IGSF21: variants seen among roughly 807,000 people sequenced by gnomAD.
The protein encoded by IGSF21 is immunoglobulin superfamily member 21.
Under a neutral mutation model 46.8 loss-of-function variants are expected in IGSF21, and 28 were observed. The ratio of observed to expected loss-of-function variants is 0.60; its 90% CI spans 0.44 to 0.82. The LOEUF (loss-of-function observed/expected upper bound fraction) is 0.82, where lower values mean the gene tolerates loss of function less well. Among genes scored for constraint, IGSF21 ranks in the 40% least tolerant of loss-of-function variants. The pLI, the probability that IGSF21 is intolerant of heterozygous loss-of-function variation, is 0.00. For synonymous variants in IGSF21, 284 were observed against 273.6 expected (o/e 1.04, Z -0.38); for missense variants, 624 against 665.5 (o/e 0.94, Z 0.69).
chr1:18,213,472 C>T (rs2084412441), intron 1 of IGSF21, among the ~76,000 whole-genome samples: 1 of 152,136 alleles, frequency 6.6e-6, no homozygotes, highest in Non-Finnish European at 1.5e-5. Flanking sequence ...TCCTCAGAGC[C>T]CTCCCCACCC....
chr1:18,368,246 C>T (rs1185048767), intron 6 of IGSF21, among the ~76,000 whole-genome samples: 1 of 151,910 alleles, frequency 6.6e-6, no homozygotes, highest in Non-Finnish European at 1.5e-5. Flanking sequence ...TGTCTCACGC[C>T]TGTAATCCTA....
intron 1 of IGSF21, among the ~76,000 whole-genome samples, chr1:18,162,970 G>A (rs564176773): frequency 5.3e-4 from 80 of 152,302 alleles, no homozygotes; most frequent in African/African-American, 1.5e-3. Flanking sequence ...CAGTGATGGT[G>A]TCACATTGGG....
intron 1 of IGSF21, among the ~76,000 whole-genome samples, chr1:18,172,006 C>T: frequency 6.6e-6 from 1 of 152,164 alleles, no homozygotes; most frequent in Admixed American, 6.5e-5. Context: ...TTTCTTGTCC[C>T]CTGGACAGGA....
chr1:18,282,749 CACA>C (rs1009022858), intron 2 of IGSF21, among the ~76,000 whole-genome samples: 2 of 152,076 alleles, frequency 1.3e-5, no homozygotes, highest in African/African-American at 4.8e-5. Flanking sequence ...ATTGTGCATG[CACA>C]ACACCGTAAG....
intron 1 of IGSF21, chr1:18,110,698 C>T (rs570528286): frequency 6.6e-6 from 1 of 152,280 alleles, no homozygotes; most frequent in African/African-American, 2.4e-5. Context: ...AGAATCAGAC[C>T]CTCCAAAGGA....
At chr1:18,324,330 T>G (rs753248333) in intron 3 of IGSF21, among the ~76,000 whole-genome samples, 1 of 152,208 alleles carries the variant, frequency 6.6e-6, no homozygotes, top group Non-Finnish European at 1.5e-5. Flanking sequence ...CATTAAGACT[T>G]CTGGCTCACA....
intron 1 of IGSF21, among the ~76,000 whole-genome samples, chr1:18,181,427 C>T (rs985657126): frequency 3.9e-5 from 6 of 152,134 alleles, no homozygotes; most frequent in Admixed American, 1.3e-4. Flanking sequence ...GCAGCCCAAA[C>T]GCTGTGTGTG....
intron 2 of IGSF21, among the ~76,000 whole-genome samples, chr1:18,239,693 C>T (rs2084706625): frequency 6.6e-6 from 1 of 152,168 alleles, no homozygotes; most frequent in African/African-American, 2.4e-5. Flanking sequence ...GCGTGCAATG[C>T]CCTTCTCCCC....
rs773530605 is a variant in IGSF21, at chr1:18,372,071, A to G, written c.1016-4239A>G. Among the ~76,000 whole-genome samples, 108 of 152,302 alleles carry G rather than the reference A, an allele frequency of 7.1e-4. 1 individual carries two copies. Among genetic ancestry groups the G allele is most frequent in the Middle Eastern group, 3.4e-3 (1 of 294 alleles). On this transcript the variant is annotated intron_variant, in intron 6 of 9. Coordinates refer to ENST00000251296, the MANE Select transcript of IGSF21 (RefSeq NM_032880.5). ...GAATGCTGGTGTAACCACCACCTCA[A>G]CCAAACTCTGCGCATTCCCATCACC... is the stretch of plus-strand genomic sequence containing the variant.
At chr1:18,317,986 C>T (rs1371524703) in intron 3 of IGSF21, among the ~76,000 whole-genome samples, 1 of 152,176 alleles carries the variant, frequency 6.6e-6, no homozygotes, top group Non-Finnish European at 1.5e-5. Flanking sequence ...AGAGTCCATG[C>T]CCCACTGTCT....
chr1:18,296,892 C>T (rs1405541050), intron 3 of IGSF21, among the ~76,000 whole-genome samples: 3 of 152,226 alleles, frequency 2.0e-5, no homozygotes, highest in Non-Finnish European at 4.4e-5. Flanking sequence ...ACAGATTTCA[C>T]TGGCCTTAAT....
In IGSF21 at chr1:18,377,352, G is replaced by A. The variant is rs372511663; in HGVS notation, c.1295-41G>A. 3.1e-6 allele frequency: 5 copies of A among 1,589,528 alleles called. No homozygotes were observed. The South Asian group carries it at 3.3e-5, about 11-fold the overall frequency. ...GCCATTCCTTCCCTGAGCTCTGAAG[G>A]CCATCCACCCTTTGGTTCTCTTTCT... On this transcript the variant is annotated intron_variant, in intron 8 of 9. Transcript: ENST00000251296.
chr1:18,327,424 C>T (rs1245415673), intron 3 of IGSF21, among the ~76,000 whole-genome samples: 5 of 152,132 alleles, frequency 3.3e-5, no homozygotes, highest in Non-Finnish European at 2.9e-5. Context: ...TCTCCCTGGG[C>T]TAACAGAGAC....
intron 1 of IGSF21, among the ~76,000 whole-genome samples, chr1:18,160,317 C>A (rs746966115): frequency 1.3e-5 from 2 of 152,198 alleles, no homozygotes; most frequent in South Asian, 2.1e-4. Context: ...ACGGGCTAAA[C>A]CTACTTTATC....
intron 1 of IGSF21, among the ~76,000 whole-genome samples, chr1:18,200,369 A>C (rs1363663685): frequency 6.6e-6 from 1 of 152,184 alleles, no homozygotes; most frequent in East Asian, 1.9e-4. Flanking sequence ...AAACAGCAGA[A>C]GTTATTGTTT....
chr1:18,316,855 C>T (rs4920476), intron 3 of IGSF21, among the ~76,000 whole-genome samples: 133,790 of 152,276 alleles, frequency 0.88, 58,826 homozygotes, highest in East Asian at 0.99. Flanking sequence ...TGGTACATAC[C>T]AAGTGCTGTG....
intron 1 of IGSF21, chr1:18,176,219 G>C (rs894949366): frequency 3.3e-5 from 5 of 152,248 alleles, no homozygotes; most frequent in African/African-American, 1.2e-4. Context: ...GTGTCACATG[G>C]TTGAGCTGCT....
At chr1:18,304,956 C>T (rs1450891456) in intron 3 of IGSF21, among the ~76,000 whole-genome samples, 3 of 152,224 alleles carry the variant, frequency 2.0e-5, no homozygotes, top group African/African-American at 7.2e-5. Flanking sequence ...TTCAAACCTT[C>T]TTTAATATAT....
At chr1:18,308,164 C>A (rs2085446111) in intron 3 of IGSF21, among the ~76,000 whole-genome samples, 2 of 152,114 alleles carry the variant, frequency 1.3e-5, no homozygotes, top group African/African-American at 4.8e-5. Context: ...GCCAAACGCT[C>A]ACCCCGGTTC....
Sources: allele counts gnomAD v4.1 joint callset (sites outside exome capture counted in the v4.1 genomes callset), GRCh38; gene constraint gnomAD v4.1.1; transcripts MANE v1.5; gene names NCBI Gene and HGNC (gene_info 2026-07-23, HGNC 2026-07-21).